PRRT1B: variants seen among roughly 807,000 people sequenced by gnomAD.
The protein encoded by PRRT1B is dispanin subfamily D member 2.
chr9:131,549,885 C>T (rs1950999326), intron 1 of PRRT1B, among the ~76,000 whole-genome samples: 1 of 152,178 alleles, frequency 6.6e-6, no homozygotes. Flanking sequence ...ACTAAATTAT[C>T]TGCTTCCCTG....
At chr9:131,553,553 T>C (rs534722434) in intron 1 of PRRT1B, among the ~76,000 whole-genome samples, 2 of 152,308 alleles carry the variant, frequency 1.3e-5, no homozygotes, top group Admixed American at 6.5e-5. Flanking sequence ...TTCCCTGCCA[T>C]TGGGATCACT....
Position 131,551,132 on chromosome 9 carries a change from C to T in PRRT1B, c.26-3425C>T, listed in dbSNP as rs1335563126. Among the ~76,000 whole-genome samples the T allele has an allele frequency of 6.6e-6, 1 of 151,732 alleles. No individual in the cohort carries two copies. Among genetic ancestry groups the T allele is most frequent in the African/African-American group, 2.4e-5 (1 of 41,274 alleles). ...TAATTTTTTGTATTTTTAGTAGAGA[C>T]GGGGTTACACCGTGTTAGCCAGGAT... On this transcript the variant is annotated intron_variant, in intron 1 of 3. Coordinates refer to ENST00000636672, the Ensembl canonical transcript of PRRT1B. This position sits in a 1 kb window ranked among gnomAD's most constrained non-coding sequence, Gnocchi z 4.4.
chr9:131,548,938 C>A (rs1950992670), intron 1 of PRRT1B, among the ~76,000 whole-genome samples: 1 of 152,140 alleles, frequency 6.6e-6, no homozygotes, highest in Non-Finnish European at 1.5e-5. Flanking sequence ...TTTTCTTTAT[C>A]CGACCTCTCC....
chr9:131,548,821 G>T (rs1056951302), intron 1 of PRRT1B, among the ~76,000 whole-genome samples: 1 of 151,980 alleles, frequency 6.6e-6, no homozygotes, highest in East Asian at 1.9e-4. Context: ...CCTCACACCC[G>T]GTCTGGCTTA....
intron 2 of PRRT1B, among the ~76,000 whole-genome samples, chr9:131,555,822 G>A (rs1403047288): frequency 6.6e-6 from 1 of 152,246 alleles, no homozygotes; most frequent in Non-Finnish European, 1.5e-5. Context: ...CCTCGACTGA[G>A]CCAATGGTAG....
intron 3 of PRRT1B, among the ~76,000 whole-genome samples, chr9:131,556,889 T>A (rs1588552298): frequency 6.6e-6 from 1 of 152,164 alleles, no homozygotes; most frequent in Middle Eastern, 3.4e-3. Flanking sequence ...TGCCTCAGCC[T>A]CCCAAAGTGC....
intron 1 of PRRT1B, among the ~76,000 whole-genome samples, chr9:131,546,649 C>G (rs1196103767): frequency 6.6e-6 from 1 of 152,082 alleles, no homozygotes; most frequent in Non-Finnish European, 1.5e-5. Context: ...GGACTCCCCC[C>G]CAGACCCTCA....
chr9:131,559,654 G>A (rs185749994), downstream of PRRT1B, among the ~76,000 whole-genome samples: 233 of 152,324 alleles, frequency 1.5e-3, 2 homozygotes, highest in South Asian at 0.019. Flanking sequence ...TAAGTCATGA[G>A]CAGCCTGGAG....
At chr9:131,547,455 C>G (rs1178706975) in intron 1 of PRRT1B, among the ~76,000 whole-genome samples, 1 of 152,194 alleles carries the variant, frequency 6.6e-6, no homozygotes, top group Non-Finnish European at 1.5e-5. Flanking sequence ...AAAGAACCCC[C>G]TTTGACTGTA....
chr9:131,547,065 C>CT (rs549825970), intron 1 of PRRT1B, among the ~76,000 whole-genome samples: 1,143 of 100,462 alleles, frequency 0.011, 26 homozygotes, highest in East Asian at 0.027. Context: ...CTCCTGTTCG[C>CT]TTTTTTTTTT....
intron 1 of PRRT1B, among the ~76,000 whole-genome samples, chr9:131,549,044 C>T (rs1212987311): frequency 1.3e-5 from 2 of 152,184 alleles, no homozygotes; most frequent in African/African-American, 4.8e-5. Flanking sequence ...CTTTACAGCC[C>T]TAGACCCTAA....
At chr9:131,546,544 T>A (rs1375034016) in intron 1 of PRRT1B, among the ~76,000 whole-genome samples, 1 of 150,196 alleles carries the variant, frequency 6.7e-6, no homozygotes, top group Non-Finnish European at 1.5e-5. Context: ...GCGCGACTGA[T>A]CTTGAGAGCC....
chr9:131,553,358 G>A (rs1299172678), intron 1 of PRRT1B, among the ~76,000 whole-genome samples: 1 of 152,216 alleles, frequency 6.6e-6, no homozygotes, highest in Non-Finnish European at 1.5e-5. Flanking sequence ...GTTTGTCAAT[G>A]TGCCATTGTG....
chr9:131,559,091 G>A (rs1475781495), downstream of PRRT1B, among the ~76,000 whole-genome samples: 1 of 152,170 alleles, frequency 6.6e-6, no homozygotes, highest in African/African-American at 2.4e-5. Context: ...CAGATTCCTG[G>A]CACCCCAGTC....
intron 1 of PRRT1B, among the ~76,000 whole-genome samples, chr9:131,553,337 G>C (rs1158239371): frequency 6.6e-6 from 1 of 152,214 alleles, no homozygotes; most frequent in East Asian, 1.9e-4. Flanking sequence ...TAAAGCTTCT[G>C]CTTACAAAAT....
rs1234774861 is a variant in PRRT1B, at chr9:131,551,594, G to A, written c.26-2963G>A. Among the ~76,000 whole-genome samples the A allele has an allele frequency of 2.0e-5, 3 of 152,060 alleles. No homozygotes were observed. Among genetic ancestry groups the A allele is most frequent in the Non-Finnish European group, 4.4e-5 (3 of 68,020 alleles). ...GTGACCTGCATGTACACATCCAGGT[G>A]GCCGGTTCCTGCCTTAACTGATGAC... On this transcript the variant is annotated intron_variant, in intron 1 of 3. Transcript: ENST00000636672. This position sits in a 1 kb window ranked among gnomAD's most constrained non-coding sequence, Gnocchi z 4.4.
In PRRT1B at chr9:131,550,933, CT is replaced by C. The variant is rs1159996336; in HGVS notation, c.26-3619del. The stretch of plus-strand genomic sequence containing the variant: ...TCCGTTTAGTTTTTCTTTTTCTTTT[CT>C]TTTTCTTTTTTTTTTTTTTTTTTTT... On this transcript the variant is annotated intron_variant, in intron 1 of 3. Coordinates refer to ENST00000636672, the Ensembl canonical transcript of PRRT1B. Among the ~76,000 whole-genome samples the C allele has an allele frequency of 4.5e-3, 526 of 116,868 alleles. 4 individuals are homozygous for C. Among genetic ancestry groups the C allele is most frequent in the African/African-American group, 0.015 (463 of 31,584 alleles). The allele number at this position is 116,868 out of a possible 152,430, so 76.7% of individuals were successfully genotyped here.
chr9:131,556,787 A>T (rs1469746009), intron 3 of PRRT1B, among the ~76,000 whole-genome samples: 2 of 151,830 alleles, frequency 1.3e-5, no homozygotes, highest in Admixed American at 1.3e-4. Flanking sequence ...GCCCACCACC[A>T]TGCCCAGCTA....
intron 1 of PRRT1B, among the ~76,000 whole-genome samples, chr9:131,550,157 C>T (rs1330564227): frequency 2.0e-5 from 3 of 152,216 alleles, no homozygotes; most frequent in African/African-American, 4.8e-5. Flanking sequence ...TTACAATTCC[C>T]CCATTTTACC....
Sources: gnomAD v4.1 joint callset for allele counts (sites outside exome capture counted in the v4.1 genomes callset) on GRCh38, gnomAD v4.1.1 for gene constraint, Gnocchi (gnomAD v3.1) non-coding constraint, MANE v1.5 for transcripts, NCBI Gene and HGNC (gene_info 2026-07-23, HGNC 2026-07-21) for gene names.